The following MTHFD2L variants were observed in gnomAD, a reference collection of about 807,000 sequenced individuals.
MTHFD2L encodes the protein methylenetetrahydrofolate dehydrogenase (NADP+ dependent) 2 like.
A neutral mutation model predicts 34.9 loss-of-function variants in MTHFD2L; 29 were observed. The ratio of observed to expected loss-of-function variants is 0.83; its 90% CI spans 0.62 to 1.13. The LOEUF (loss-of-function observed/expected upper bound fraction) is 1.13, where lower values mean the gene tolerates loss of function less well. Ranked by LOEUF, MTHFD2L falls within the 50% of genes most tolerant of loss-of-function variation. MTHFD2L has a pLI of 0.00. For synonymous variants in MTHFD2L, 167 were observed against 155.7 expected (o/e 1.07, Z -0.54); for missense variants, 481 against 446.5 (o/e 1.08, Z -0.70).
chr4:74,126,748 T>G (rs1722104395), intron 1 of MTHFD2L, among the ~76,000 whole-genome samples: 1 of 152,160 alleles, frequency 6.6e-6, no homozygotes, highest in African/African-American at 2.4e-5. Flanking sequence ...CATGTACTTG[T>G]ATGATTATTG....
At chr4:74,122,517 G>A (rs549386159), upstream of MTHFD2L, among the ~76,000 whole-genome samples, 2 of 152,302 alleles carry the variant, frequency 1.3e-5, no homozygotes, top group African/African-American at 4.8e-5. Context: ...TTCAACTTGG[G>A]ATTTGGGTGG....
chr4:74,280,485 C>G (rs1436862776), intron 6 of MTHFD2L: 1 of 152,130 alleles, frequency 6.6e-6, no homozygotes, highest in Non-Finnish European at 1.5e-5. Context: ...TTAGATGACT[C>G]TAGCTTCAGA....
chr4:74,278,461 G>C (rs1283432547), intron 6 of MTHFD2L, among the ~76,000 whole-genome samples: 1 of 151,906 alleles, frequency 6.6e-6, no homozygotes, highest in Non-Finnish European at 1.5e-5. Flanking sequence ...GTAGCTACTG[G>C]TATGTTAAAA....
At chr4:74,238,039 A>G (rs1490618351) in intron 6 of MTHFD2L, among the ~76,000 whole-genome samples, 2 of 152,196 alleles carry the variant, frequency 1.3e-5, no homozygotes, top group African/African-American at 4.8e-5. Context: ...AAACAATTTT[A>G]TTAGATCTAT....
At chr4:74,164,868 G>C (rs1726328233) in intron 1 of MTHFD2L, 1 of 610,248 alleles carries the variant, frequency 1.6e-6, no homozygotes, top group Admixed American at 6.3e-5. Flanking sequence ...GGCTAGCCCA[G>C]CAGTAGGCTG....
intron 7 of MTHFD2L, 50 bp downstream of exon 7, chr4:74,281,600 C>T (rs1313031891): frequency 6.5e-7 from 1 of 1,535,634 alleles, no homozygotes; most frequent in East Asian, 2.3e-5. Context: ...AAAATTCCAC[C>T]TTACGTATTT....
chr4:74,256,371 C>T (rs942775910), intron 6 of MTHFD2L, among the ~76,000 whole-genome samples: 1 of 152,060 alleles, frequency 6.6e-6, no homozygotes, highest in African/African-American at 2.4e-5. Flanking sequence ...TCGGTACCTC[C>T]CAAAGGGCTG....
chr4:74,301,769 T>C lies in MTHFD2L; in HGVS notation c.1004T>C (p.Leu335Pro). The C allele has an allele frequency of 6.2e-7, 1 of 1,608,344 alleles. No homozygotes were observed. Among genetic ancestry groups the C allele is most frequent in the Non-Finnish European group, 8.5e-7 (1 of 1,176,866 alleles). Reference sequence around the variant, plus strand: ...GGACCCATGACAGTGGCAATGCTTCTGAAGAACACCCTTCTGGCAGCTAAA... The same window carrying C: ...GGACCCATGACAGTGGCAATGCTTCCGAAGAACACCCTTCTGGCAGCTAAA... ...GVGPMTVAML[L>P]KNTLLAAKKI... The change falls in exon 8 of 8, where the codon CTG becomes CCG. Residue 335 changes from leucine to proline, a missense_variant. Coordinates refer to ENST00000325278, the MANE Select transcript of MTHFD2L (RefSeq NM_001144978.3).
intron 3 of MTHFD2L, chr4:74,180,688 A>G: frequency 2.2e-6 from 1 of 455,012 alleles, no homozygotes; most frequent in Non-Finnish European, 4.4e-6. Context: ...TATGTTCAGA[A>G]GCTGTGCAAC....
intron 3 of MTHFD2L, among the ~76,000 whole-genome samples, chr4:74,191,318 C>T (rs1426275883): frequency 6.6e-6 from 1 of 150,992 alleles, no homozygotes. Context: ...TGTATACACA[C>T]TCAGGATGTG....
intron 1 of MTHFD2L, among the ~76,000 whole-genome samples, chr4:74,139,341 A>G (rs758026966): frequency 2.6e-5 from 4 of 152,056 alleles, no homozygotes; most frequent in African/African-American, 4.8e-5. Context: ...ATGAATAGCT[A>G]CTCTGATTTG....
At chr4:74,143,158 C>G (rs1723379393) in intron 1 of MTHFD2L, among the ~76,000 whole-genome samples, 1 of 151,956 alleles carries the variant, frequency 6.6e-6, no homozygotes, top group African/African-American at 2.4e-5. Flanking sequence ...ACAAAAAAAA[C>G]AAGCATCAAC....
chr4:74,239,175 G>A (rs1282549865), intron 6 of MTHFD2L, among the ~76,000 whole-genome samples: 1 of 152,184 alleles, frequency 6.6e-6, no homozygotes, highest in Non-Finnish European at 1.5e-5. Context: ...ATGAGTTCAT[G>A]TCCTTTGCAA....
At chr4:74,115,750 TAA>T (rs1721646236) in intron 2 of MTHFD2L, among the ~76,000 whole-genome samples, 1 of 152,236 alleles carries the variant, frequency 6.6e-6, no homozygotes, top group Non-Finnish European at 1.5e-5. Flanking sequence ...AATGTAAATA[TAA>T]GTGATTAAAT....
At chr4:74,212,123 TA>T (rs201879436) in intron 5 of MTHFD2L, among the ~76,000 whole-genome samples, 312 of 151,978 alleles carry the variant, frequency 2.1e-3, no homozygotes, top group African/African-American at 5.5e-3. Flanking sequence ...TTGTTAATCT[TA>T]AAAAAAATAG....
chr4:74,224,565 A>T (rs1394671691), intron 5 of MTHFD2L, among the ~76,000 whole-genome samples: 3 of 152,158 alleles, frequency 2.0e-5, no homozygotes, highest in Non-Finnish European at 4.4e-5. Flanking sequence ...ACTGCACTTT[A>T]TCACCAACTT....
chr4:74,271,653 G>C (rs1310319281), intron 6 of MTHFD2L, among the ~76,000 whole-genome samples: 2 of 152,110 alleles, frequency 1.3e-5, no homozygotes, highest in Non-Finnish European at 2.9e-5. Flanking sequence ...GGCAGTGCGG[G>C]CTCTTTTTTG....
At chr4:74,121,838 G>A (rs1288751210), upstream of MTHFD2L, among the ~76,000 whole-genome samples, 2 of 151,746 alleles carry the variant, frequency 1.3e-5, no homozygotes, top group African/African-American at 4.8e-5. Flanking sequence ...CAGAAAAATA[G>A]TCTTCTATGA....
chr4:74,301,869 A>T lies in MTHFD2L; in HGVS notation c.*60A>T. The stretch of plus-strand genomic sequence containing the variant: ...CTATTTGTTTATTTGACAAAGGGTA[A>T]AACCTTTATATTTTACTACAAAGCT... On this transcript the variant is annotated 3_prime_UTR_variant, in exon 8 of 8. Coordinates refer to ENST00000325278, the MANE Select transcript of MTHFD2L (RefSeq NM_001144978.3). 9.7e-7 allele frequency: 1 copy of T among 1,028,296 alleles called. No homozygotes were observed. Among genetic ancestry groups the T allele is most frequent in the Non-Finnish European group, 1.4e-6 (1 of 690,328 alleles). 63.7% of individuals were successfully genotyped at this position (1,028,296 alleles called of 1,614,324 possible).
Sources: gnomAD v4.1 joint callset for allele counts (sites outside exome capture counted in the v4.1 genomes callset) on GRCh38, gnomAD v4.1.1 for gene constraint, MANE v1.5 for transcripts, NCBI Gene and HGNC (gene_info 2026-07-23, HGNC 2026-07-21) for gene names.